CEP128: variants seen among roughly 807,000 people sequenced by gnomAD.
CEP128 encodes the protein centrosomal protein 128.
A neutral mutation model predicts 156.7 loss-of-function variants in CEP128; 132 were observed. The observed-to-expected ratio is 0.84, with a 90% CI of 0.73 to 0.97. The LOEUF (loss-of-function observed/expected upper bound fraction) is 0.97, where lower values mean the gene tolerates loss of function less well. Among genes scored for constraint, CEP128 ranks in the 50% least tolerant of loss-of-function variants. The pLI is 0.00. For missense variants in CEP128, 1,252 were observed against 1,281.9 expected (o/e 0.98, Z 0.36); for synonymous variants, 469 against 448.9 (o/e 1.04, Z -0.57).
intron 12 of CEP128, among the ~76,000 whole-genome samples, chr14:80,835,306 G>A (rs1886017998): frequency 2.0e-5 from 3 of 152,096 alleles, no homozygotes; most frequent in South Asian, 2.1e-4. Context: ...TATTCCTTTA[G>A]TGTAACACAA....
At chr14:80,787,315 T>G (rs1035263444) in intron 14 of CEP128, among the ~76,000 whole-genome samples, 1 of 152,194 alleles carries the variant, frequency 6.6e-6, no homozygotes, top group African/African-American at 2.4e-5. Flanking sequence ...ATTTCCTTGC[T>G]AGCTTTTGGT....
At chr14:80,885,133 C>A (rs996724038) in intron 8 of CEP128, among the ~76,000 whole-genome samples, 1 of 152,166 alleles carries the variant, frequency 6.6e-6, no homozygotes, top group African/African-American at 2.4e-5. Context: ...CAGTCAGCGG[C>A]TTATAGATAA....
chr14:80,730,169 T>C (rs1457358730), intron 19 of CEP128, among the ~76,000 whole-genome samples: 2 of 152,226 alleles, frequency 1.3e-5, no homozygotes, highest in Non-Finnish European at 2.9e-5. Context: ...TATTTGTTCA[T>C]AATCATTGGC....
intron 13 of CEP128, among the ~76,000 whole-genome samples, chr14:80,829,402 A>G (rs530280467): frequency 6.6e-6 from 1 of 152,322 alleles, no homozygotes; most frequent in Non-Finnish European, 1.5e-5. Context: ...TTCTGCATCA[A>G]CTTTATTTTT....
chr14:80,880,788 C>T lies in CEP128; in HGVS notation c.645+14930G>A, dbSNP rs530954080. 9.7e-4 allele frequency among the ~76,000 whole-genome samples: 145 copies of T among 149,342 alleles called. 1 individual carries two copies. The highest frequency in any genetic ancestry group is 3.2e-3 in the African/African-American group (131 of 40,888). ...TGAGGCAGGAGAATGGCGTGAATCT[C>T]GGAGGTGGAGGTTGCAGTGAGTCAA... is the stretch of plus-strand genomic sequence containing the variant. On this transcript the variant is annotated intron_variant, in intron 8 of 24. Transcript: ENST00000555265.
intron 21 of CEP128, among the ~76,000 whole-genome samples, chr14:80,552,312 A>G (rs977478629): frequency 6.6e-6 from 1 of 151,322 alleles, no homozygotes; most frequent in African/African-American, 2.4e-5. Flanking sequence ...TCCATCTCAA[A>G]AAAAAAAAAC....
intron 21 of CEP128, among the ~76,000 whole-genome samples, chr14:80,550,731 A>T (rs1890176198): frequency 6.6e-6 from 1 of 151,416 alleles, no homozygotes; most frequent in Admixed American, 6.6e-5. Flanking sequence ...TCTGTGTTAT[A>T]CATTTTTATA....
At chr14:80,635,210 T>A (rs1894130524) in intron 19 of CEP128, among the ~76,000 whole-genome samples, 1 of 152,328 alleles carries the variant, frequency 6.6e-6, no homozygotes, top group African/African-American at 2.4e-5. Context: ...TCCGTGAAAA[T>A]TCATTGCAAT....
intron 18 of CEP128, among the ~76,000 whole-genome samples, chr14:80,754,742 C>T (rs1899564532): frequency 6.6e-6 from 1 of 152,120 alleles, no homozygotes; most frequent in South Asian, 2.1e-4. Context: ...GAATTACAGG[C>T]GTGAGCCACT....
At chr14:80,506,562 T>G (rs1338839072) in intron 23 of CEP128, among the ~76,000 whole-genome samples, 2 of 151,904 alleles carry the variant, frequency 1.3e-5, no homozygotes, top group Non-Finnish European at 2.9e-5. Flanking sequence ...TGGCAAAAAT[T>G]CCATATCTGT....
At chr14:80,902,473 T>G (rs12050151) in intron 6 of CEP128, among the ~76,000 whole-genome samples, 2 of 152,092 alleles carry the variant, frequency 1.3e-5, no homozygotes, top group Non-Finnish European at 2.9e-5. Flanking sequence ...CAGTAACAAG[T>G]GACAGCTACA....
intron 23 of CEP128, among the ~76,000 whole-genome samples, chr14:80,514,288 G>A (rs544615127): frequency 6.6e-6 from 1 of 152,218 alleles, no homozygotes; most frequent in South Asian, 2.1e-4. Flanking sequence ...CCTCCTAAGG[G>A]CTGTGTCATG....
intron 24 of CEP128, among the ~76,000 whole-genome samples, chr14:80,497,910 G>A (rs73339000): frequency 0.014 from 2,192 of 152,312 alleles, 54 homozygotes; most frequent in African/African-American, 0.05. Flanking sequence ...AAGAATTTTA[G>A]AGGCAGAAAT....
chr14:80,528,959 G>A (rs1395225146), intron 22 of CEP128, among the ~76,000 whole-genome samples: 2 of 152,128 alleles, frequency 1.3e-5, no homozygotes, highest in Non-Finnish European at 2.9e-5. Context: ...TTATTAACTT[G>A]ATTAAAATCA....
intron 15 of CEP128, among the ~76,000 whole-genome samples, chr14:80,779,126 C>T (rs547978375): frequency 1.3e-5 from 2 of 152,288 alleles, no homozygotes; most frequent in East Asian, 1.9e-4. Flanking sequence ...GCTAACAAAA[C>T]ACACCTACCA....
chr14:80,489,967 TG>T (rs1003819115), downstream of CEP128, among the ~76,000 whole-genome samples: 1 of 151,976 alleles, frequency 6.6e-6, no homozygotes, highest in African/African-American at 2.4e-5. Context: ...TTATTTAGAT[TG>T]TCAGATATCA....
At chr14:80,927,586 G>A (rs1046186329) in intron 2 of CEP128, among the ~76,000 whole-genome samples, 6 of 152,192 alleles carry the variant, frequency 3.9e-5, no homozygotes, top group African/African-American at 7.2e-5. Context: ...AGAGCACTTC[G>A]TGCAGAGTGT....
At chr14:80,486,921 A>G (rs568522423), downstream of CEP128, among the ~76,000 whole-genome samples, 1 of 152,314 alleles carries the variant, frequency 6.6e-6, no homozygotes, top group Non-Finnish European at 1.5e-5. Context: ...CTGCAAACAC[A>G]TGCAAAAATG....
At chr14:80,760,349 A>G (rs2139680679) in intron 17 of CEP128, among the ~76,000 whole-genome samples, 1 of 152,188 alleles carries the variant, frequency 6.6e-6, no homozygotes, top group African/African-American at 2.4e-5. Context: ...AAATATTTCC[A>G]TTAAAGACAA....
Sources: allele counts gnomAD v4.1 joint callset (sites outside exome capture counted in the v4.1 genomes callset), GRCh38; gene constraint gnomAD v4.1.1; transcripts MANE v1.5; gene names NCBI Gene and HGNC (gene_info 2026-07-23, HGNC 2026-07-21).